HTR2C: variants seen among roughly 807,000 people sequenced by gnomAD.
HTR2C encodes 5-hydroxytryptamine receptor 2C, also known as 5-hydroxytryptamine (serotonin) receptor 2C, G protein-coupled.
Under a neutral mutation model 21.0 loss-of-function variants are expected in HTR2C, and 5 were observed. The ratio of observed to expected loss-of-function variants is 0.24; its 90% CI spans 0.12 to 0.50. HTR2C has a LOEUF of 0.50. HTR2C is among the 20% of genes least tolerant of loss of function. The pLI, the probability that HTR2C is intolerant of heterozygous loss-of-function variation, is 0.98. For synonymous variants in HTR2C, 150 were observed against 145.3 expected (o/e 1.03, Z -0.23); for missense variants, 271 against 371.2 (o/e 0.73, Z 2.22).
chrX:114,898,092 C>T (rs1352431725), intron 5 of HTR2C, among the ~76,000 whole-genome samples: 3 of 112,286 alleles, frequency 2.7e-5, no homozygotes, highest in Non-Finnish European at 5.6e-5. Context: ...TTTTAATAGT[C>T]GCCATTCTGG....
chrX:114,846,045 A>G (rs1356456624), intron 4 of HTR2C, among the ~76,000 whole-genome samples: 5 of 111,024 alleles, frequency 4.5e-5, no homozygotes, highest in African/African-American at 1.6e-4. Flanking sequence ...AAACAATACA[A>G]TGAACAATTA....
At chrX:114,655,311 G>T (rs969397199) in intron 2 of HTR2C, among the ~76,000 whole-genome samples, 1 of 111,095 alleles carries the variant, frequency 9.0e-6, no homozygotes, top group Admixed American at 9.6e-5. Flanking sequence ...AGTTACCATG[G>T]CACTATTTCT....
At chrX:114,717,306 C>G (rs923139614) in intron 2 of HTR2C, among the ~76,000 whole-genome samples, 1 of 111,844 alleles carries the variant, frequency 8.9e-6, no homozygotes, top group East Asian at 2.8e-4. Context: ...CTCCTGAGCT[C>G]AAGCAATCCA....
chrX:114,854,736 C>G (rs2070945517), intron 5 of HTR2C, among the ~76,000 whole-genome samples: 2 of 111,296 alleles, frequency 1.8e-5, no homozygotes, highest in African/African-American at 6.5e-5. Flanking sequence ...GGGATTTAAA[C>G]TAAAAAACTT....
At chrX:114,703,074 C>T (rs1932605374) in intron 2 of HTR2C, among the ~76,000 whole-genome samples, 1 of 101,051 alleles carries the variant, frequency 9.9e-6, no homozygotes, top group South Asian at 5.0e-4. Flanking sequence ...TCCTGAGTGA[C>T]CTACAAAGAG....
intron 4 of HTR2C, among the ~76,000 whole-genome samples, chrX:114,757,832 G>A (rs1187978152): frequency 9.0e-6 from 1 of 111,545 alleles, no homozygotes; most frequent in Non-Finnish European, 1.9e-5. Flanking sequence ...TTCTATTAAT[G>A]CATATTAGGA....
chrX:114,645,912 A>G (rs992630638), intron 2 of HTR2C, among the ~76,000 whole-genome samples: 3 of 111,556 alleles, frequency 2.7e-5, no homozygotes, highest in Non-Finnish European at 5.7e-5. Flanking sequence ...AAAATGGAAA[A>G]CCGGAAAAGA....
At chrX:114,717,964 AC>A (rs782192222) in intron 2 of HTR2C, among the ~76,000 whole-genome samples, 1 of 111,314 alleles carries the variant, frequency 9.0e-6, no homozygotes, top group Admixed American at 9.6e-5. Flanking sequence ...TTAATACAAC[AC>A]CTTTAAAAAG....
chrX:114,762,872 T>G (rs1272714226), intron 4 of HTR2C, among the ~76,000 whole-genome samples: 1 of 112,122 alleles, frequency 8.9e-6, no homozygotes, highest in East Asian at 2.8e-4. Flanking sequence ...ATGTTGATAC[T>G]CCACATTCAC....
chrX:114,720,516 C>CTT (rs71772275), intron 2 of HTR2C, among the ~76,000 whole-genome samples: 95 of 96,636 alleles, frequency 9.8e-4, no homozygotes, highest in Middle Eastern at 5.2e-3. Context: ...ATTTCTTTTT[C>CTT]TTTTTTTTTT....
intron 4 of HTR2C, among the ~76,000 whole-genome samples, chrX:114,798,880 G>C (rs2070320110): frequency 9.0e-6 from 1 of 110,635 alleles, no homozygotes; most frequent in Admixed American, 9.7e-5. Context: ...AACATCTCCT[G>C]TTAATTAAGT....
At chrX:114,637,948 GTA>G (rs1929912029) in intron 2 of HTR2C, among the ~76,000 whole-genome samples, 2 of 111,563 alleles carry the variant, frequency 1.8e-5, no homozygotes, top group African/African-American at 6.5e-5. Context: ...AAGATGGTGG[GTA>G]TGTCTTTTTT....
At chrX:114,686,096 C>T (rs1234431796) in intron 2 of HTR2C, among the ~76,000 whole-genome samples, 3 of 111,325 alleles carry the variant, frequency 2.7e-5, no homozygotes, top group African/African-American at 9.8e-5. Context: ...TTAGCATTCA[C>T]CACTTTCAAT....
chrX:114,656,281 T>C (rs895667248), intron 2 of HTR2C, among the ~76,000 whole-genome samples: 5 of 111,588 alleles, frequency 4.5e-5, no homozygotes, highest in African/African-American at 1.3e-4. Flanking sequence ...AACTTCTTTT[T>C]GTGCTGTCTG....
At chrX:114,604,291 G>A (rs1233546116) in intron 1 of HTR2C, among the ~76,000 whole-genome samples, 1 of 110,200 alleles carries the variant, frequency 9.1e-6, no homozygotes, top group African/African-American at 3.3e-5. Flanking sequence ...GAACTGGGCA[G>A]GTGGGGATAA....
intron 2 of HTR2C, among the ~76,000 whole-genome samples, chrX:114,664,438 C>T (rs1556410629): frequency 8.9e-6 from 1 of 111,742 alleles, no homozygotes; most frequent in Admixed American, 9.5e-5. Context: ...TCTCATCTTT[C>T]AGCTCCCACT....
chrX:114,817,061 C>T (rs914857325), intron 4 of HTR2C, among the ~76,000 whole-genome samples: 8 of 110,715 alleles, frequency 7.2e-5, no homozygotes, highest in Non-Finnish European at 9.5e-5. Context: ...TAAATAATTG[C>T]AGCAAACATA....
intron 1 of HTR2C, among the ~76,000 whole-genome samples, chrX:114,612,721 T>G (rs1928787619): frequency 9.0e-6 from 1 of 111,350 alleles, no homozygotes; most frequent in South Asian, 3.8e-4. Flanking sequence ...AATATTTAAT[T>G]TCCTCTTTAG....
At chrX:114,805,571 C>A (rs797038235) in intron 4 of HTR2C, among the ~76,000 whole-genome samples, 1 of 11,644 alleles carries the variant, frequency 8.6e-5, no homozygotes, top group African/African-American at 1.5e-4. Context: ...CATATAGATA[C>A]ACACCATATA....
Sources: gnomAD v4.1 joint callset for allele counts (sites outside exome capture counted in the v4.1 genomes callset) on GRCh38, gnomAD v4.1.1 for gene constraint, MANE v1.5 for transcripts, NCBI Gene and HGNC (gene_info 2026-07-23, HGNC 2026-07-21) for gene names.